Variants in IGSF21 observed in about 807,000 individuals in gnomAD.
The protein encoded by IGSF21 is immunoglobulin superfamily member 21.
A neutral mutation model predicts 46.8 loss-of-function variants in IGSF21; 28 were observed. That is an observed-to-expected ratio of 0.60 (90% confidence interval 0.44 to 0.82). The LOEUF (loss-of-function observed/expected upper bound fraction) is 0.82, where lower values mean the gene tolerates loss of function less well. Among genes scored for constraint, IGSF21 ranks in the 40% least tolerant of loss-of-function variants. IGSF21 has a pLI of 0.00. For synonymous variants in IGSF21, 284 were observed against 273.6 expected (o/e 1.04, Z -0.38); for missense variants, 624 against 665.5 (o/e 0.94, Z 0.69).
chr1:18,133,904 A>T (rs1445484135), intron 1 of IGSF21, among the ~76,000 whole-genome samples: 1 of 152,268 alleles, frequency 6.6e-6, no homozygotes, highest in African/African-American at 2.4e-5. Flanking sequence ...TTCACTCCTC[A>T]GCTTTCTAAG....
intron 1 of IGSF21, among the ~76,000 whole-genome samples, chr1:18,207,682 A>G (rs1371436602): frequency 6.6e-6 from 1 of 152,230 alleles, no homozygotes; most frequent in Non-Finnish European, 1.5e-5. Flanking sequence ...TGATGCAGAA[A>G]GCAAGTACTG....
At chr1:18,208,029 G>A (rs1467257531) in intron 1 of IGSF21, among the ~76,000 whole-genome samples, 1 of 152,092 alleles carries the variant, frequency 6.6e-6, no homozygotes, top group Non-Finnish European at 1.5e-5. Flanking sequence ...GCTTTGACAT[G>A]CCCCTGGGAG....
At chr1:18,255,790 C>T (rs1220200262) in intron 2 of IGSF21, among the ~76,000 whole-genome samples, 1 of 152,146 alleles carries the variant, frequency 6.6e-6, no homozygotes, top group African/African-American at 2.4e-5. Flanking sequence ...CCTGCTCCTC[C>T]CCTCCCTCCT....
intron 3 of IGSF21, among the ~76,000 whole-genome samples, chr1:18,315,361 C>T (rs1161249806): frequency 6.6e-6 from 1 of 152,198 alleles, no homozygotes. Flanking sequence ...GAACTCCTCA[C>T]ACTATTAATT....
Position 18,218,520 on chromosome 1 carries a change from A to G in IGSF21, c.71-9378A>G, listed in dbSNP as rs79452125. On this transcript the variant is annotated intron_variant, in intron 1 of 9. Transcript: ENST00000251296. ...TTTCACTAATTCAAATATAAAACCT[A>G]GGCAGAATATATGGACATCTATTTG... 8.9e-4 allele frequency among the ~76,000 whole-genome samples: 136 copies of G among 152,370 alleles called. No homozygotes were observed. In the East Asian group the frequency reaches 0.02, roughly 23 times the overall value.
chr1:18,240,469 G>A (rs947589690), intron 2 of IGSF21, among the ~76,000 whole-genome samples: 1 of 152,182 alleles, frequency 6.6e-6, no homozygotes, highest in East Asian at 1.9e-4. Flanking sequence ...CTCATAGTAG[G>A]AGATGAACTG....
intron 3 of IGSF21, among the ~76,000 whole-genome samples, chr1:18,292,349 G>A (rs2124566424): frequency 6.6e-6 from 1 of 152,386 alleles, no homozygotes; most frequent in African/African-American, 2.4e-5. Context: ...GCTGGGCGGT[G>A]AAGCAGTTCT....
At position 18,378,370 on chromosome 1, in the gene IGSF21, G is replaced by A. The variant is rs373282530; in HGVS notation, c.*44G>A. ...CTCCATCAGGCACTGACATCTCCAC[G>A]ACCGGTTTTCATTTCTTTTCTAAAC... On this transcript the variant is annotated 3_prime_UTR_variant, in exon 10 of 10. Transcript: ENST00000251296. 568 of 1,474,596 alleles carry A rather than the reference G, an allele frequency of 3.9e-4. 2 individuals carry two copies. Among genetic ancestry groups the A allele is most frequent in the Non-Finnish European group, 4.7e-4 (502 of 1,059,370 alleles). 91.3% of individuals were successfully genotyped at this position (1,474,596 alleles called of 1,614,324 possible).
chr1:18,163,630 C>T (rs776658267), intron 1 of IGSF21, among the ~76,000 whole-genome samples: 3 of 152,172 alleles, frequency 2.0e-5, no homozygotes, highest in Non-Finnish European at 2.9e-5. Flanking sequence ...CCTTTTCATC[C>T]ACTCTATTTG....
At chr1:18,234,425 T>C (rs567187319) in intron 2 of IGSF21, among the ~76,000 whole-genome samples, 2 of 152,282 alleles carry the variant, frequency 1.3e-5, no homozygotes, top group East Asian at 1.9e-4. Context: ...TAATAACACA[T>C]AAACAGGAAA....
At chr1:18,287,240 C>A (rs1014552494) in intron 2 of IGSF21, among the ~76,000 whole-genome samples, 4 of 150,024 alleles carry the variant, frequency 2.7e-5, no homozygotes, top group Non-Finnish European at 5.9e-5. Flanking sequence ...AATAAAAATA[C>A]AAAAAATTAG....
chr1:18,218,743 A>C (rs1352652158), intron 1 of IGSF21, among the ~76,000 whole-genome samples: 2 of 152,220 alleles, frequency 1.3e-5, no homozygotes, highest in Non-Finnish European at 2.9e-5. Flanking sequence ...AAAGAAAATC[A>C]GTAGACTACA....
chr1:18,165,581 G>GT (rs2086670714), intron 1 of IGSF21, among the ~76,000 whole-genome samples: 1 of 152,176 alleles, frequency 6.6e-6, no homozygotes, highest in African/African-American at 2.4e-5. Context: ...CCTGTAAAGA[G>GT]TAAAGTAGAG....
intron 1 of IGSF21, among the ~76,000 whole-genome samples, chr1:18,220,255 C>T (rs1271647397): frequency 1.3e-5 from 2 of 152,156 alleles, no homozygotes; most frequent in Non-Finnish European, 2.9e-5. Flanking sequence ...TGGCCACTCA[C>T]CACTCAGTGC....
At chr1:18,287,729 C>T (rs190239400) in intron 2 of IGSF21, among the ~76,000 whole-genome samples, 2 of 152,304 alleles carry the variant, frequency 1.3e-5, no homozygotes, top group East Asian at 3.9e-4. Context: ...GGCATCCCTG[C>T]ACTTTGTTTT....
intron 6 of IGSF21, among the ~76,000 whole-genome samples, chr1:18,367,014 A>G (rs890219551): frequency 6.6e-6 from 1 of 152,140 alleles, no homozygotes; most frequent in Non-Finnish European, 1.5e-5. Flanking sequence ...CCTTTCCCCT[A>G]TGTCCTTTGA....
intron 1 of IGSF21, among the ~76,000 whole-genome samples, chr1:18,143,176 G>T (rs754244534): frequency 4.2e-4 from 64 of 152,304 alleles, no homozygotes; most frequent in Non-Finnish European, 8.4e-4. Context: ...GCGTCCTTGA[G>T]CTCAGCCAGG....
intron 1 of IGSF21, chr1:18,113,871 C>T (rs998019802): frequency 7.2e-5 from 11 of 152,112 alleles, no homozygotes; most frequent in East Asian, 5.8e-4. Context: ...AGCTCAGTCC[C>T]GTGGGCTCTG....
intron 1 of IGSF21, among the ~76,000 whole-genome samples, chr1:18,189,608 G>A (rs749656637): frequency 1.3e-5 from 2 of 151,736 alleles, no homozygotes; most frequent in Non-Finnish European, 2.9e-5. Flanking sequence ...GGTGCTGGGA[G>A]ACAGTGACAG....
Sources: allele counts gnomAD v4.1 joint callset (sites outside exome capture counted in the v4.1 genomes callset), GRCh38; gene constraint gnomAD v4.1.1; transcripts MANE v1.5; gene names NCBI Gene and HGNC (gene_info 2026-07-23, HGNC 2026-07-21).